The following GRB10 variants were observed in gnomAD, a reference collection of about 807,000 sequenced individuals.
GRB10 encodes the protein growth factor receptor-bound protein 10.
Under a neutral mutation model 80.9 loss-of-function variants are expected in GRB10, and 20 were observed. The observed-to-expected ratio is 0.25, with a 90% CI of 0.17 to 0.36. The LOEUF is 0.36. Among genes scored for constraint, GRB10 ranks in the 10% least tolerant of loss-of-function variants. The pLI is 1.00. For missense variants in GRB10, 548 were observed against 747.7 expected (o/e 0.73, Z 3.12); for synonymous variants, 291 against 291.5 (o/e 1.00, Z 0.02).
intron 7 of GRB10, among the ~76,000 whole-genome samples, chr7:50,631,248 A>G (rs1456060922): frequency 1.3e-5 from 2 of 152,212 alleles, no homozygotes; most frequent in Non-Finnish European, 2.9e-5. Context: ...TCTTTGCTCA[A>G]GGCTCAGCAG....
intron 7 of GRB10, among the ~76,000 whole-genome samples, chr7:50,644,512 C>T (rs974014258): frequency 6.6e-6 from 1 of 152,208 alleles, no homozygotes; most frequent in African/African-American, 2.4e-5. Context: ...TGGTAATGTA[C>T]TGTCTTTATC....
Position 50,603,989 on chromosome 7 carries a change from G to C in GRB10, c.1544+9C>G. The C allele has an allele frequency of 6.2e-7, 1 of 1,600,436 alleles. No individual in the cohort carries two copies. The highest frequency in any genetic ancestry group is 1.1e-5 in the South Asian group (1 of 90,784). On this transcript the variant is annotated intron_variant, in intron 17 of 18. Transcript: ENST00000401949. ...CAGATGACAGCTCTTATCAGTGGTG[G>C]TTCCTTACCCATCCACGAGCCCTTG...
At chr7:50,743,065 T>G (rs1176235773) in intron 3 of GRB10, among the ~76,000 whole-genome samples, 1 of 152,234 alleles carries the variant, frequency 6.6e-6, no homozygotes, top group Non-Finnish European at 1.5e-5. Flanking sequence ...TTTTGGCATA[T>G]GCAAATACAA....
chr7:50,613,479 G>A (rs1260372357), intron 12 of GRB10, among the ~76,000 whole-genome samples: 2 of 152,104 alleles, frequency 1.3e-5, no homozygotes, highest in Non-Finnish European at 2.9e-5. Context: ...TGGTGAGGGA[G>A]GAGAATTGTT....
rs2045717496 is a variant in GRB10, at chr7:50,590,400, A to T, written c.*2552T>A. ...GCAGAAAAGAGAAGACAAAACATCT[A>T]GGCTGAGGCACATGTTTCTTCAAGG... On this transcript the variant is annotated 3_prime_UTR_variant, in exon 19 of 19. Transcript: ENST00000401949. The T allele has an allele frequency of 6.6e-6, 1 of 152,248 alleles. No individual in the cohort carries two copies. The highest frequency in any genetic ancestry group is 1.5e-5 in the Non-Finnish European group (1 of 68,042). 9.4% of individuals were successfully genotyped at this position (152,248 alleles called of 1,614,324 possible).
intron 4 of GRB10, among the ~76,000 whole-genome samples, chr7:50,727,439 T>C (rs921780201): frequency 2.0e-5 from 3 of 152,202 alleles, no homozygotes; most frequent in Non-Finnish European, 4.4e-5. Flanking sequence ...CAATCAACTG[T>C]TCATAAAATG....
At chr7:50,687,165 T>C (rs1469405163) in intron 5 of GRB10, among the ~76,000 whole-genome samples, 2 of 152,208 alleles carry the variant, frequency 1.3e-5, no homozygotes. Flanking sequence ...TCCAAACTTT[T>C]AGTTTCTTGG....
chr7:50,791,006 T>C (rs2078891122), intron 1 of GRB10, among the ~76,000 whole-genome samples: 1 of 152,174 alleles, frequency 6.6e-6, no homozygotes. Context: ...TTGGTCCCAG[T>C]CCTGGTGGCC....
At chr7:50,674,402 T>G in intron 6 of GRB10, 34 bp downstream of exon 6, 3 of 1,587,624 alleles carry the variant, frequency 1.9e-6, no homozygotes, top group South Asian at 1.1e-5. Context: ...CTCTCATCCT[T>G]GGAGAAGGCT....
At chr7:50,756,212 G>T (rs942363508) in intron 2 of GRB10, 156 bp from the exon 3 acceptor site, 3 of 396,292 alleles carry the variant, frequency 7.6e-6, no homozygotes, top group Admixed American at 4.4e-5. Context: ...AAACAAGGAC[G>T]TGACTAAGTA....
chr7:50,646,196 G>C (rs1387380332), intron 7 of GRB10, among the ~76,000 whole-genome samples: 1 of 152,210 alleles, frequency 6.6e-6, no homozygotes, highest in Admixed American at 6.5e-5. Context: ...CATCTCAGTA[G>C]CGTCTTTTCC....
At chr7:50,623,450 G>C (rs949929856) in intron 8 of GRB10, among the ~76,000 whole-genome samples, 4 of 152,250 alleles carry the variant, frequency 2.6e-5, no homozygotes, top group African/African-American at 9.6e-5. Flanking sequence ...TCTGCTCATA[G>C]GAGTCGTTCT....
chr7:50,734,737 A>G (rs6968827), intron 3 of GRB10, among the ~76,000 whole-genome samples: 115,676 of 152,158 alleles, frequency 0.76, 44,186 homozygotes, highest in Middle Eastern at 0.87. Flanking sequence ...TGTGTGTCCC[A>G]TAAGCCCAGT....
chr7:50,749,768 T>C (rs4947444), intron 3 of GRB10, among the ~76,000 whole-genome samples: 135,385 of 152,238 alleles, frequency 0.89, 60,266 homozygotes, highest in East Asian at 0.96. Context: ...ATTAACAGTA[T>C]AAAGAGAGGG....
At chr7:50,691,657 C>A (rs747222727) in intron 5 of GRB10, among the ~76,000 whole-genome samples, 3 of 152,072 alleles carry the variant, frequency 2.0e-5, no homozygotes, top group Admixed American at 6.5e-5. Flanking sequence ...TGTACAAATG[C>A]TATTATTTGG....
chr7:50,685,658 G>A (rs1273191109), intron 5 of GRB10, among the ~76,000 whole-genome samples: 1 of 152,146 alleles, frequency 6.6e-6, no homozygotes, highest in African/African-American at 2.4e-5. Flanking sequence ...CTCCTAGGAT[G>A]GTTATGCACA....
intron 5 of GRB10, among the ~76,000 whole-genome samples, chr7:50,675,165 C>T (rs887174428): frequency 3.3e-5 from 5 of 152,248 alleles, no homozygotes; most frequent in African/African-American, 9.6e-5. Flanking sequence ...TAGGGGCTGA[C>T]ACTGTGGCAG....
intron 6 of GRB10, among the ~76,000 whole-genome samples, chr7:50,674,133 C>A (rs766164811): frequency 6.6e-6 from 1 of 152,224 alleles, no homozygotes; most frequent in Non-Finnish European, 1.5e-5. Context: ...TTCTTCCAAT[C>A]TTTCCAGAGA....
intron 5 of GRB10, among the ~76,000 whole-genome samples, chr7:50,676,737 C>T (rs2060997088): frequency 6.6e-6 from 1 of 152,146 alleles, no homozygotes; most frequent in African/African-American, 2.4e-5. Flanking sequence ...GGAGGGAAGT[C>T]CTGGGCAACC....
Sources: allele counts gnomAD v4.1 joint callset (sites outside exome capture counted in the v4.1 genomes callset), GRCh38; gene constraint gnomAD v4.1.1; transcripts MANE v1.5; gene names NCBI Gene and HGNC (gene_info 2026-07-23, HGNC 2026-07-21).